ABLIM1: variants seen among roughly 807,000 people sequenced by gnomAD.
ABLIM1 encodes actin binding LIM protein 1.
Under a neutral mutation model 107.0 loss-of-function variants are expected in ABLIM1, and 40 were observed. The observed-to-expected ratio is 0.37, with a 90% CI of 0.29 to 0.49. The LOEUF (loss-of-function observed/expected upper bound fraction) is 0.49, where lower values mean the gene tolerates loss of function less well. ABLIM1 is among the 20% of genes least tolerant of loss of function. The pLI is 0.97. For missense variants in ABLIM1, 857 were observed against 1,008.5 expected, an observed-to-expected ratio of 0.85 and a Z score of 2.04; for synonymous variants, 357 against 357.3, an observed-to-expected ratio of 1.00 and a Z score of 0.01.
intron 1 of ABLIM1, among the ~76,000 whole-genome samples, chr10:114,751,194 G>A (rs572558067): frequency 3.3e-5 from 5 of 152,118 alleles, no homozygotes; most frequent in African/African-American, 1.2e-4. Flanking sequence ...TACCAGAAAC[G>A]TTAGGAGGCA....
At chr10:114,665,519 A>G (rs1321108963) in intron 1 of ABLIM1, among the ~76,000 whole-genome samples, 1 of 152,256 alleles carries the variant, frequency 6.6e-6, no homozygotes, top group African/African-American at 2.4e-5. Flanking sequence ...TCTTAGAAAG[A>G]AAAACCTATC....
chr10:114,630,525 A>C (rs2140693151), intron 1 of ABLIM1, among the ~76,000 whole-genome samples: 1 of 152,338 alleles, frequency 6.6e-6, no homozygotes, highest in East Asian at 1.9e-4. Context: ...GAGTGAATAG[A>C]GCAGAATCAT....
At chr10:114,736,339 AT>A (rs1447077592) in intron 1 of ABLIM1, among the ~76,000 whole-genome samples, 1 of 152,212 alleles carries the variant, frequency 6.6e-6, no homozygotes, top group Non-Finnish European at 1.5e-5. Context: ...TTTCACTGCC[AT>A]TCTTGGTTTG....
At chr10:114,590,712 C>A (rs557156803) in intron 2 of ABLIM1, among the ~76,000 whole-genome samples, 34 of 152,266 alleles carry the variant, frequency 2.2e-4, no homozygotes, top group African/African-American at 7.5e-4. Context: ...CTTGCCCAGG[C>A]TTTTCATGGC....
Position 114,748,853 on chromosome 10 carries a change from G to A in ABLIM1, c.-213+19208C>T, listed in dbSNP as rs577020466. ...ATTTTTTAATGTTTTTTGTAGAGAC[G>A]GGGGTCTCCCTATGTTGCTATGTTG... On this transcript the variant is annotated intron_variant, in intron 1 of 15. Coordinates refer to the ABLIM1 transcript ENST00000651092. Among the ~76,000 whole-genome samples the A allele has an allele frequency of 1.1e-4, 17 of 151,700 alleles. No homozygotes were observed. In the East Asian group the frequency reaches 1.9e-3, roughly 17 times the overall value.
chr10:114,588,544 G>A lies in ABLIM1; in HGVS notation c.380-12945C>T, dbSNP rs532847961. Among the ~76,000 whole-genome samples, 61 of 128,814 alleles carry A rather than the reference G, an allele frequency of 4.7e-4. No homozygotes were observed. The South Asian group carries it at 0.015, about 31-fold the overall frequency. 84.5% of individuals were successfully genotyped at this position (128,814 alleles called of 152,430 possible). On this transcript the variant is annotated intron_variant, in intron 2 of 22. Coordinates refer to ENST00000533213, the MANE Select transcript of ABLIM1 (RefSeq NM_002313.7). ...GAGTCTTGCTCTGTCTCCCAGGCTG[G>A]AGTGCAATGGTGCCATCTCAGCTCA...
chr10:114,769,960 C>T (rs1459939949), upstream of ABLIM1, among the ~76,000 whole-genome samples: 2 of 152,122 alleles, frequency 1.3e-5, no homozygotes, highest in African/African-American at 4.8e-5. Flanking sequence ...CTCTCCTCTC[C>T]CACTATCCTC....
At chr10:114,756,215 A>G (rs188596673) in intron 1 of ABLIM1, among the ~76,000 whole-genome samples, 16 of 152,226 alleles carry the variant, frequency 1.1e-4, no homozygotes. Context: ...TTTAAATGCT[A>G]CCTTTACTAT....
intron 10 of ABLIM1, among the ~76,000 whole-genome samples, chr10:114,468,847 C>G (rs1229380507): frequency 6.6e-6 from 1 of 151,524 alleles, no homozygotes; most frequent in Non-Finnish European, 1.5e-5. Context: ...GTCAGGAGAT[C>G]GAGACCATCC....
intron 6 of ABLIM1, among the ~76,000 whole-genome samples, chr10:114,503,327 T>C (rs1280796159): frequency 6.6e-6 from 1 of 152,072 alleles, no homozygotes; most frequent in African/African-American, 2.4e-5. Flanking sequence ...GGTACATGCC[T>C]GTAGTCCCAG....
intron 1 of ABLIM1, among the ~76,000 whole-genome samples, chr10:114,666,171 T>C (rs2080017589): frequency 6.6e-6 from 1 of 152,152 alleles, no homozygotes; most frequent in South Asian, 2.1e-4. Context: ...CATCACTGAA[T>C]CTATTGGCTG....
At chr10:114,461,063 TTTC>T (rs902481341) in intron 12 of ABLIM1, among the ~76,000 whole-genome samples, 5 of 151,756 alleles carry the variant, frequency 3.3e-5, no homozygotes, top group Non-Finnish European at 4.4e-5. Flanking sequence ...CTTTGTTTTC[TTTC>T]TTTTGTTTTT....
chr10:114,515,883 T>A (rs2062732950), intron 6 of ABLIM1, among the ~76,000 whole-genome samples: 1 of 152,162 alleles, frequency 6.6e-6, no homozygotes, highest in Non-Finnish European at 1.5e-5. Context: ...CCAGGGTAAA[T>A]CTTCCTCTAC....
intron 1 of ABLIM1, among the ~76,000 whole-genome samples, chr10:114,605,129 G>A (rs540529434): frequency 1.3e-5 from 2 of 152,278 alleles, no homozygotes; most frequent in East Asian, 3.9e-4. Flanking sequence ...AAAGAAATGG[G>A]CTGTTCTTAC....
chr10:114,602,936 T>C (rs2076133482), intron 1 of ABLIM1, among the ~76,000 whole-genome samples: 1 of 151,850 alleles, frequency 6.6e-6, no homozygotes, highest in Non-Finnish European at 1.5e-5. Context: ...TCACCAAGAG[T>C]CTTCATTTAA....
chr10:114,603,367 T>C (rs947745322), intron 1 of ABLIM1, among the ~76,000 whole-genome samples: 3 of 152,154 alleles, frequency 2.0e-5, no homozygotes, highest in African/African-American at 7.2e-5. Context: ...TCTTGTGAGA[T>C]TCTGACTAGG....
At chr10:114,478,572 G>A (rs1040671891) in intron 8 of ABLIM1, among the ~76,000 whole-genome samples, 3 of 152,302 alleles carry the variant, frequency 2.0e-5, no homozygotes, top group Admixed American at 6.5e-5. Flanking sequence ...GCATTCACAT[G>A]CTCTCTCTTT....
chr10:114,753,286 G>C (rs889189181), intron 1 of ABLIM1, among the ~76,000 whole-genome samples: 1 of 152,162 alleles, frequency 6.6e-6, no homozygotes, highest in African/African-American at 2.4e-5. Context: ...AGCCACAGAG[G>C]GGCGTTTGAG....
intron 8 of ABLIM1, among the ~76,000 whole-genome samples, chr10:114,487,087 C>T (rs1299768200): frequency 6.6e-6 from 1 of 152,188 alleles, no homozygotes; most frequent in Non-Finnish European, 1.5e-5. Flanking sequence ...CATCAGTAAA[C>T]TGGTCGTGCT....
Sources: gnomAD v4.1 joint callset for allele counts (sites outside exome capture counted in the v4.1 genomes callset) on GRCh38, gnomAD v4.1.1 for gene constraint, MANE v1.5 for transcripts, NCBI Gene and HGNC (gene_info 2026-07-23, HGNC 2026-07-21) for gene names.